Variants in EXOC3 observed in about 807,000 individuals in gnomAD.
The protein encoded by EXOC3 is exocyst complex component 3.
EXOC3 carries 21 observed loss-of-function variants against 73.7 expected under a neutral mutation model. The observed-to-expected ratio is 0.29, with a 90% CI of 0.20 to 0.41. EXOC3 has a LOEUF of 0.41. Ranked by LOEUF, EXOC3 falls within the 10% of genes least tolerant of loss-of-function variation. The probability of loss-of-function intolerance (pLI) is 1.00; values close to 1 mark genes in which losing one functional copy is unlikely to be tolerated. For missense variants in EXOC3, 842 were observed against 985.1 expected (o/e 0.85, Z 1.95); for synonymous variants, 410 against 389.1 (o/e 1.05, Z -0.63).
At chr5:452,837 T>C (rs1487845066) in intron 3 of EXOC3, among the ~76,000 whole-genome samples, 2 of 152,270 alleles carry the variant, frequency 1.3e-5, no homozygotes, top group African/African-American at 4.8e-5. Flanking sequence ...CATTCATAAA[T>C]ATCTGGCTTT....
chr5:455,042 C>CAT (rs1484747566), intron 4 of EXOC3, among the ~76,000 whole-genome samples: 61 of 152,136 alleles, frequency 4.0e-4, no homozygotes, highest in Non-Finnish European at 6.9e-4. Context: ...TCTGTGCAAC[C>CAT]GTGGCGCTCT....
intron 2 of EXOC3, among the ~76,000 whole-genome samples, chr5:446,632 C>T (rs966666730): frequency 2.0e-5 from 3 of 152,124 alleles, no homozygotes; most frequent in Non-Finnish European, 2.9e-5. Context: ...CCGAGGCAGG[C>T]GGATCACCTG....
intron 3 of EXOC3, among the ~76,000 whole-genome samples, chr5:449,829 A>G (rs1737604899): frequency 6.6e-6 from 1 of 152,186 alleles, no homozygotes; most frequent in Admixed American, 6.5e-5. Flanking sequence ...CCATGTGGTA[A>G]TTTATGTTTA....
In EXOC3 at chr5:462,213, T is replaced by C; in HGVS notation, c.1559T>C (p.Val520Ala). 1 of 1,613,978 alleles carries C rather than the reference T, an allele frequency of 6.2e-7. No individual in the cohort carries two copies. Among genetic ancestry groups the C allele is most frequent in the South Asian group, 1.1e-5 (1 of 91,084 alleles). Residue 520 changes from valine to alanine, a missense_variant, in exon 9 of 13, where the codon GTG (valine) becomes GCG (alanine). By Grantham distance (64) the Val-to-Ala change is moderately conservative (BLOSUM62 0). Coordinates refer to ENST00000512944, the MANE Select transcript of EXOC3 (RefSeq NM_007277.5). ...TTAAAGAATGAAGTGGAAGAGGGTG[T>C]GTCTCCGAGCCAGCCCAGCATGGAC... is the stretch of plus-strand genomic sequence containing the variant. The part of the protein sequence containing the change: ...KYLKNEVEEG[V>A]SPSQPSMDGI...
At chr5:446,935 GAGA>G (rs779688107) in intron 2 of EXOC3, 13 of 147,580 alleles carry the variant, frequency 8.8e-5, no homozygotes, top group East Asian at 3.8e-4. Context: ...CTGGAGGAAG[GAGA>G]AGTAGTCTTA....
chr5:464,491 G>A, intron 10 of EXOC3, 79 bp downstream of exon 10: 1 of 1,498,102 alleles, frequency 6.7e-7, no homozygotes, highest in Non-Finnish European at 9.2e-7. Flanking sequence ...TCAGCATCCA[G>A]CGAGTCCCTC....
chr5:446,391 C>T, intron 2 of EXOC3, 42 bp downstream of exon 2: 1 of 1,519,666 alleles, frequency 6.6e-7, no homozygotes, highest in Non-Finnish European at 8.8e-7. Context: ...TCTTGGGCTT[C>T]AGGTTCTTGC....
In EXOC3 at chr5:465,139, T is replaced by C. The variant is rs772766488; in HGVS notation, c.1805T>C (p.Val602Ala). The C allele has an allele frequency of 5.6e-5, 89 of 1,592,996 alleles. No homozygotes were observed. Among genetic ancestry groups the C allele is most frequent in the Non-Finnish European group, 7.5e-5 (88 of 1,171,144 alleles). The change falls in exon 11 of 13, where the codon GTG (valine) becomes GCG (alanine). Residue 602 changes from valine (V) to alanine (A), a missense_variant. Transcript: ENST00000512944. ...ATGACGGCCGAGGCGCACCGGCGCG[T>C]GGTGGTGGAGTACCTGCGGGCGGTC... ...KRMTAEAHRR[V>A]VVEYLRAVMQ... is the part of the protein sequence containing the mutation.
chr5:465,890 G>A (rs1456341264), intron 12 of EXOC3, 45 bp downstream of exon 12: 1 of 1,565,442 alleles, frequency 6.4e-7, no homozygotes, highest in Non-Finnish European at 8.7e-7. Flanking sequence ...ATCCTGGAGT[G>A]GAGCGGCAGG....
rs2126590648 is a variant in EXOC3, at chr5:467,240, G to A, written c.*342G>A. On this transcript the variant is annotated 3_prime_UTR_variant, in exon 13 of 13. Coordinates refer to ENST00000512944, the MANE Select transcript of EXOC3 (RefSeq NM_007277.5). The stretch of plus-strand genomic sequence containing the variant: ...CCTTCACCGCACCCCATCTGCTTAA[G>A]TGCTCGGAACCCCGTCACCTAATTA... 1 of 279,734 alleles carries A rather than the reference G, an allele frequency of 3.6e-6. No homozygotes were observed. The highest frequency in any genetic ancestry group is 6.3e-5 in the East Asian group (1 of 15,826). The allele number at this position is 279,734 out of a possible 1,614,324, so 17.3% of individuals were successfully genotyped here.
Position 448,711 on chromosome 5 carries a change from G to T in EXOC3, c.364+959G>T, listed in dbSNP as rs547350013. 6.6e-5 allele frequency among the ~76,000 whole-genome samples: 10 copies of T among 152,328 alleles called. No homozygotes were observed. In the South Asian group the frequency reaches 1.9e-3, roughly 28 times the overall value. On this transcript the variant is annotated intron_variant, in intron 3 of 12. Transcript: ENST00000512944. ...GCGCGGTTCTCCCCAGCTGCCCACA[G>T]CGCACCTTGGTAATCCGTGTCCCGT... is the stretch of plus-strand genomic sequence containing the variant.
chr5:446,661 C>T (rs1174505157), intron 2 of EXOC3, among the ~76,000 whole-genome samples: 1 of 152,174 alleles, frequency 6.6e-6, no homozygotes, highest in African/African-American at 2.4e-5. Flanking sequence ...AGTTCAAGAC[C>T]AGCCTGGTCA....
chr5:453,732 A>C lies in EXOC3; in HGVS notation c.727A>C (p.Asn243His). 1 of 1,613,922 alleles carries C rather than the reference A, an allele frequency of 6.2e-7. No individual in the cohort carries two copies. The highest frequency in any genetic ancestry group is 1.1e-5 in the South Asian group (1 of 91,074). Reference sequence around the variant, plus strand: ...CTTTGTTCCTCCTGGGAGGCCCAAGAATTGGAAGGAGAAAATGTTCACCAT... The same window carrying C: ...CTTTGTTCCTCCTGGGAGGCCCAAGCATTGGAAGGAGAAAATGTTCACCAT... ...TGFVPPGRPK[N>H]WKEKMFTILE... The change falls in exon 4 of 13, where the codon AAT (asparagine) becomes CAT (histidine). Residue 243 changes from asparagine to histidine, a missense_variant. Physicochemically the swap from Asn to His is moderately conservative, Grantham distance 68. Coordinates refer to ENST00000512944, the MANE Select transcript of EXOC3 (RefSeq NM_007277.5).
intron 3 of EXOC3, 68 bp downstream of exon 3, chr5:447,820 G>A (rs1334990686): frequency 8.8e-7 from 1 of 1,137,926 alleles, no homozygotes; most frequent in Non-Finnish European, 1.3e-6. Context: ...TGAGTGCTCT[G>A]TGTGCAGTGT....
intron 10 of EXOC3, 118 bp from the exon 11 acceptor site, chr5:464,993 G>A (rs2126588439): frequency 9.5e-7 from 1 of 1,055,112 alleles, no homozygotes; most frequent in Non-Finnish European, 1.3e-6. Flanking sequence ...GGCGGAGCGA[G>A]GAGGAGTGGG....
Position 447,677 on chromosome 5 carries a change from A to G in EXOC3, c.289A>G (p.Lys97Glu). ...GAGCATCAACACCATTGAGAGCCTC[A>G]AGGACGTCAAAGACGCCGTGGTGCA... ...RQSINTIESL[K>E]DVKDAVVQHS... The change falls in exon 3 of 13, where the codon AAG becomes GAG. Residue 97 changes from lysine (K) to glutamate (E), a missense_variant. Lys to Glu is a moderately conservative substitution (Grantham distance 56). Coordinates refer to ENST00000512944, the MANE Select transcript of EXOC3 (RefSeq NM_007277.5). 6.3e-7 allele frequency: 1 copy of G among 1,590,356 alleles called. No individual in the cohort carries two copies. Among genetic ancestry groups the G allele is most frequent in the Non-Finnish European group, 8.6e-7 (1 of 1,168,192 alleles).
intron 5 of EXOC3, chr5:457,252 C>T (rs529875190): frequency 3.9e-5 from 20 of 513,328 alleles, no homozygotes; most frequent in East Asian, 6.9e-5. Flanking sequence ...GTGCCCTACT[C>T]GGCAGGCTGG....
chr5:463,041 G>A (rs1738035432), intron 9 of EXOC3, among the ~76,000 whole-genome samples: 1 of 152,202 alleles, frequency 6.6e-6, no homozygotes, highest in African/African-American at 2.4e-5. Flanking sequence ...GGAGGTGGAG[G>A]TTGCAGTGAG....
Position 464,403 on chromosome 5 carries a change from G to C in EXOC3, c.1767G>C (p.Pro589=). The change falls in exon 10 of 13, where the codon CCG becomes CCC. Residue 589 remains proline (P), a synonymous_variant. Coordinates refer to ENST00000512944, the MANE Select transcript of EXOC3 (RefSeq NM_007277.5). ...ACGATTTTGCCAAAATTAAAAAGCC[G>C]TATAAGAAGGTAAGAAGGTGGGACC... The part of the protein sequence containing the change: ...YFNDFAKIKK[P]YKKRMTAEAH... 1 of 1,613,448 alleles carries C rather than the reference G, an allele frequency of 6.2e-7. No homozygotes were observed. Among genetic ancestry groups the C allele is most frequent in the South Asian group, 1.1e-5 (1 of 91,042 alleles).
Sources: gnomAD v4.1 joint callset for allele counts (sites outside exome capture counted in the v4.1 genomes callset) on GRCh38, gnomAD v4.1.1 for gene constraint, MANE v1.5 for transcripts, NCBI Gene and HGNC (gene_info 2026-07-23, HGNC 2026-07-21) for gene names.